SORCS3: variants seen among roughly 807,000 people sequenced by gnomAD.
SORCS3 encodes VPS10 domain-containing receptor SorCS3.
SORCS3 carries 57 observed loss-of-function variants against 146.3 expected under a neutral mutation model. The observed-to-expected ratio is 0.39, with a 90% CI of 0.31 to 0.49. The LOEUF (loss-of-function observed/expected upper bound fraction) is 0.49. Among genes scored for constraint, SORCS3 ranks in the 20% least tolerant of loss-of-function variants. SORCS3 has a pLI of 0.92. For missense variants in SORCS3, 1,341 were observed against 1,575.5 expected (o/e 0.85, Z 2.52); for synonymous variants, 653 against 618.5 (o/e 1.06, Z -0.83).
intron 1 of SORCS3, among the ~76,000 whole-genome samples, chr10:104,645,473 C>T (rs916073203): frequency 1.3e-5 from 2 of 152,214 alleles, no homozygotes; most frequent in African/African-American, 2.4e-5. Flanking sequence ...TCATGGGGCC[C>T]CCATTCCTGG....
At chr10:105,242,504 A>ATATACATT (rs1564793556) in intron 20 of SORCS3, among the ~76,000 whole-genome samples, 1,626 of 86,290 alleles carry the variant, frequency 0.019, 27 homozygotes, top group South Asian at 0.028. Flanking sequence ...ATATATATTT[A>ATATACATT]TATATATTTA....
chr10:105,221,068 T>C (rs1340946815), intron 19 of SORCS3, among the ~76,000 whole-genome samples: 1 of 152,180 alleles, frequency 6.6e-6, no homozygotes, highest in African/African-American at 2.4e-5. Context: ...CTTTTAAGTA[T>C]TCGGTTTTAT....
At chr10:105,119,911 GA>G (rs2133764318) in intron 7 of SORCS3, among the ~76,000 whole-genome samples, 1 of 152,260 alleles carries the variant, frequency 6.6e-6, no homozygotes, top group East Asian at 1.9e-4. Flanking sequence ...GTTAATTCTG[GA>G]ATGAGCTAAA....
chr10:105,117,439 C>A (rs1361642203), intron 7 of SORCS3, among the ~76,000 whole-genome samples: 1 of 152,114 alleles, frequency 6.6e-6, no homozygotes, highest in East Asian at 1.9e-4. Context: ...GTTCTCATCC[C>A]CATATAAATG....
intron 20 of SORCS3, among the ~76,000 whole-genome samples, chr10:105,242,727 T>C (rs1290340887): frequency 3.8e-5 from 4 of 105,740 alleles, no homozygotes; most frequent in Non-Finnish European, 6.6e-5. Flanking sequence ...TATATACATT[T>C]ATATATATTT....
At chr10:105,235,772 G>A (rs1157283765) in intron 20 of SORCS3, among the ~76,000 whole-genome samples, 2 of 151,970 alleles carry the variant, frequency 1.3e-5, no homozygotes, top group African/African-American at 2.4e-5. Flanking sequence ...CATGGGTTAA[G>A]TTTCTAGAAC....
At chr10:104,915,750 G>A (rs898261323) in intron 2 of SORCS3, 83 bp from the exon 3 acceptor site, 16 of 1,140,892 alleles carry the variant, frequency 1.4e-5, no homozygotes, top group Non-Finnish European at 2.0e-5. Context: ...CTGGTCGGTC[G>A]AGGGAGAACC....
At chr10:104,719,963 G>C (rs978270863) in intron 1 of SORCS3, among the ~76,000 whole-genome samples, 2 of 151,284 alleles carry the variant, frequency 1.3e-5, no homozygotes, top group Non-Finnish European at 3.0e-5. Context: ...AGCCAGGTGA[G>C]CTTTCTGCTC....
chr10:104,696,153 T>TATATC (rs1554844314), intron 1 of SORCS3, among the ~76,000 whole-genome samples: 14 of 89,074 alleles, frequency 1.6e-4, no homozygotes, highest in Admixed American at 1.1e-3. Context: ...ATATATAATA[T>TATATC]ATATACACAT....
At position 105,263,766 on chromosome 10, in the gene SORCS3, A is replaced by G. The variant is rs1290132230; in HGVS notation, c.*392A>G. 1.6e-5 allele frequency: 3 copies of G among 189,228 alleles called. No individual in the cohort carries two copies. Among genetic ancestry groups the G allele is most frequent in the African/African-American group, 2.4e-5 (1 of 42,482 alleles). The allele number at this position is 189,228 out of a possible 1,614,324, so 11.7% of individuals were successfully genotyped here. A position where few individuals can be genotyped will look rare whatever the true frequency, so the allele number is the denominator to read the frequency against. On this transcript the variant is annotated 3_prime_UTR_variant, in exon 27 of 27. Coordinates refer to ENST00000369701, the MANE Select transcript of SORCS3 (RefSeq NM_014978.3). The stretch of plus-strand genomic sequence containing the variant: ...TCTCCGCTTCCCCCAGCACACACAC[A>G]TACAACACAGATCATTTCCCAGTTA...
intron 5 of SORCS3, among the ~76,000 whole-genome samples, chr10:105,044,659 G>C (rs552443419): frequency 6.6e-6 from 1 of 151,792 alleles, no homozygotes; most frequent in East Asian, 1.9e-4. Context: ...AATGAAGATT[G>C]CCTAAGCATT....
Position 105,243,273 on chromosome 10 carries a change from C to T in SORCS3, c.2869-2269C>T, listed in dbSNP as rs2056847502. Among the ~76,000 whole-genome samples the T allele has an allele frequency of 2.0e-5, 3 of 151,818 alleles. No homozygotes were observed. In the South Asian group the frequency reaches 6.2e-4, roughly 32 times the overall value. On this transcript the variant is annotated intron_variant, in intron 20 of 26. Coordinates refer to ENST00000369701, the MANE Select transcript of SORCS3 (RefSeq NM_014978.3). ...TGCTGAGTCCTCACAGATCACCTAA[C>T]CCAAACCACTCATTTAACAGATAAA...
intron 3 of SORCS3, among the ~76,000 whole-genome samples, chr10:104,935,662 C>G (rs184556041): frequency 6.7e-6 from 1 of 148,984 alleles, no homozygotes; most frequent in Non-Finnish European, 1.5e-5. Flanking sequence ...TGATTCTGCC[C>G]GGCAGGTCTA....
At chr10:104,831,548 G>T (rs533650835) in intron 1 of SORCS3, among the ~76,000 whole-genome samples, 73 of 152,292 alleles carry the variant, frequency 4.8e-4, no homozygotes, top group African/African-American at 1.6e-3. Context: ...GGGGAACTTA[G>T]TATAGTGCTG....
chr10:105,068,617 A>T (rs185715410), intron 5 of SORCS3, among the ~76,000 whole-genome samples: 123 of 152,218 alleles, frequency 8.1e-4, no homozygotes, highest in Non-Finnish European at 1.4e-3. Flanking sequence ...AGAATTATTT[A>T]AAAAAAATTA....
intron 1 of SORCS3, among the ~76,000 whole-genome samples, chr10:104,721,314 C>A (rs963948013): frequency 3.9e-5 from 6 of 152,244 alleles, no homozygotes; most frequent in African/African-American, 1.4e-4. Context: ...TCTGAGGGCT[C>A]TGTTCTGTTC....
At chr10:104,656,177 G>T (rs1032769106) in intron 1 of SORCS3, among the ~76,000 whole-genome samples, 5 of 152,124 alleles carry the variant, frequency 3.3e-5, no homozygotes, top group African/African-American at 1.2e-4. Context: ...GGGTGGATTA[G>T]GTGCAGAGGT....
chr10:105,200,211 G>A (rs1218525711), intron 15 of SORCS3, 95 bp downstream of exon 15: 2 of 933,632 alleles, frequency 2.1e-6, no homozygotes, highest in African/African-American at 3.3e-5. Context: ...TTTAGGGGAG[G>A]AAGGTAGTGG....
At chr10:104,879,189 T>C (rs376098465) in intron 2 of SORCS3, among the ~76,000 whole-genome samples, 1 of 152,342 alleles carries the variant, frequency 6.6e-6, no homozygotes. Context: ...TTTGCAGTTT[T>C]GTAAGTTAGA....
Sources: allele counts gnomAD v4.1 joint callset (sites outside exome capture counted in the v4.1 genomes callset), GRCh38; gene constraint gnomAD v4.1.1; transcripts MANE v1.5; gene names NCBI Gene and HGNC (gene_info 2026-07-23, HGNC 2026-07-21).